The following SHB variants were observed in gnomAD, a reference collection of about 807,000 sequenced individuals.
SHB encodes the protein SH2 domain containing adaptor protein B.
A neutral mutation model predicts 52.3 loss-of-function variants in SHB; 20 were observed. The observed-to-expected ratio is 0.38, with a 90% confidence interval of 0.27 to 0.56. The LOEUF is 0.56. Among genes scored for constraint, SHB ranks in the 20% least tolerant of loss-of-function variants. The pLI, the probability that SHB is intolerant of heterozygous loss-of-function variation, is 0.71. For synonymous variants in SHB, 397 were observed against 316.5 expected (o/e 1.25, Z -2.70); for missense variants, 825 against 723.3 (o/e 1.14, Z -1.61).
At position 37,917,686 on chromosome 9, in the gene SHB, ACTCCCCCAAAGGAAAGCACGAAT is replaced by A. The variant is rs1832118540; in HGVS notation, c.*2112_*2134del. Among the ~76,000 whole-genome samples the A allele has an allele frequency of 6.6e-6, 1 of 151,464 alleles. No individual in the cohort carries two copies. The highest frequency in any genetic ancestry group is 1.5e-5 in the Non-Finnish European group (1 of 67,878). On this transcript the variant is annotated 3_prime_UTR_variant, in exon 6 of 6. Transcript: ENST00000377707. ...CTTGTCATTTCCCACCTACCTTCCC[ACTCCCCCAAAGGAAAGCACGAAT>A]CGTTCCAGGGTGTCCCTGCCTTCCT...
chr9:37,993,607 A>G (rs1170479334), intron 2 of SHB, among the ~76,000 whole-genome samples: 1 of 152,188 alleles, frequency 6.6e-6, no homozygotes, highest in African/African-American at 2.4e-5. Context: ...TCTTTATGTT[A>G]ACATAAACAT....
intron 5 of SHB, among the ~76,000 whole-genome samples, chr9:37,939,676 G>T (rs776019): frequency 0.56 from 85,218 of 151,996 alleles, 24,088 homozygotes; most frequent in Middle Eastern, 0.64. Flanking sequence ...GGCTTCTCAG[G>T]GCCTGCTAGG....
Position 37,917,481 on chromosome 9 carries a change from G to A in SHB, c.*2340C>T, listed in dbSNP as rs1832115054. Among the ~76,000 whole-genome samples the A allele has an allele frequency of 6.6e-6, 1 of 152,210 alleles. No homozygotes were observed. Among genetic ancestry groups the A allele is most frequent in the African/African-American group, 2.4e-5 (1 of 41,462 alleles). On this transcript the variant is annotated 3_prime_UTR_variant, in exon 6 of 6. Coordinates refer to ENST00000377707, the MANE Select transcript of SHB (RefSeq NM_003028.3). ...GGTCTACAGGGAAGGACCGTGAGGTGCGGCCCCACCCAGCAGCCTCAGGAA... is the reference window on the plus strand; with the variant it reads ...GGTCTACAGGGAAGGACCGTGAGGTACGGCCCCACCCAGCAGCCTCAGGAA...
chr9:37,993,818 T>G (rs1413717962), intron 2 of SHB, among the ~76,000 whole-genome samples: 1 of 152,220 alleles, frequency 6.6e-6, no homozygotes, highest in African/African-American at 2.4e-5. Flanking sequence ...TTTGGAATTT[T>G]AAGGTTCTCT....
At position 38,068,058 on chromosome 9, in the gene SHB, G is replaced by A. The variant is rs1477466115; in HGVS notation, c.588C>T (p.Ala196=). 9 of 1,493,416 alleles carry A rather than the reference G, an allele frequency of 6.0e-6. No homozygotes were observed. The highest frequency in any genetic ancestry group is 2.7e-5 in the East Asian group (1 of 37,244). 92.5% of individuals were successfully genotyped at this position (1,493,416 alleles called of 1,614,324 possible). The change falls in exon 1 of 6, where the codon GCC becomes GCT. Residue 196 remains alanine (A), a synonymous_variant. Transcript: ENST00000377707. ...IKVESAAGGG[A]GDPLGGACAG... Reference sequence around the variant, plus strand: ...CGCAGGCGCCCCCCAGGGGGTCCCCGGCCCCACCGCCCGCGGCGCTCTCCA... The same window carrying A: ...CGCAGGCGCCCCCCAGGGGGTCCCCAGCCCCACCGCCCGCGGCGCTCTCCA...
intron 1 of SHB, among the ~76,000 whole-genome samples, chr9:38,057,258 C>A (rs1033634933): frequency 2.0e-5 from 3 of 151,806 alleles, no homozygotes; most frequent in African/African-American, 7.3e-5. Context: ...CATGTCTTTA[C>A]GTTTAAAAAA....
At chr9:38,053,646 C>T (rs1295285792) in intron 1 of SHB, among the ~76,000 whole-genome samples, 4 of 152,122 alleles carry the variant, frequency 2.6e-5, no homozygotes, top group Admixed American at 1.3e-4. Flanking sequence ...AAAGCTTAAC[C>T]GTAAGCAGAC....
chr9:37,992,897 A>G (rs1820900709), intron 2 of SHB, among the ~76,000 whole-genome samples: 2 of 145,908 alleles, frequency 1.4e-5, no homozygotes. Flanking sequence ...ACACACACAC[A>G]CAGTCTCACA....
intron 2 of SHB, among the ~76,000 whole-genome samples, chr9:37,980,217 C>T (rs911225715): frequency 3.3e-5 from 5 of 152,224 alleles, no homozygotes; most frequent in South Asian, 2.1e-4. Context: ...ATTTTACCCA[C>T]GGCAGAACTT....
At chr9:37,947,756 G>A (rs1374569206) in intron 5 of SHB, among the ~76,000 whole-genome samples, 4 of 152,156 alleles carry the variant, frequency 2.6e-5, no homozygotes, top group Admixed American at 6.5e-5. Context: ...CCTGCAGGCC[G>A]GCTCTCCCTC....
At chr9:37,940,512 A>G (rs898010468) in intron 5 of SHB, among the ~76,000 whole-genome samples, 1 of 152,192 alleles carries the variant, frequency 6.6e-6, no homozygotes, top group Non-Finnish European at 1.5e-5. Flanking sequence ...AATTGAGCAG[A>G]AAGTTCATTT....
intron 1 of SHB, 57 bp downstream of exon 1, chr9:38,067,872 T>C (rs1440585868): frequency 1.1e-5 from 16 of 1,403,668 alleles, no homozygotes; most frequent in Non-Finnish European, 1.4e-5. Context: ...GGTGCCTCGG[T>C]TTCCCCGTGC....
intron 5 of SHB, among the ~76,000 whole-genome samples, chr9:37,925,753 C>T (rs1023058698): frequency 3.9e-5 from 6 of 152,222 alleles, no homozygotes; most frequent in Non-Finnish European, 7.3e-5. Context: ...AAGAATGTGG[C>T]ACAAAGCTGT....
At chr9:37,924,976 C>T (rs1280732652) in intron 5 of SHB, among the ~76,000 whole-genome samples, 1 of 152,238 alleles carries the variant, frequency 6.6e-6, no homozygotes, top group Non-Finnish European at 1.5e-5. Context: ...GATCTGGCTT[C>T]CCTGCAGCTT....
At chr9:37,927,465 C>T (rs528970068) in intron 5 of SHB, among the ~76,000 whole-genome samples, 2 of 152,346 alleles carry the variant, frequency 1.3e-5, no homozygotes, top group Non-Finnish European at 2.9e-5. Flanking sequence ...CAGGGCATTT[C>T]TCAAGCTCTA....
chr9:38,051,521 A>T (rs1821749633), intron 1 of SHB, among the ~76,000 whole-genome samples: 1 of 151,746 alleles, frequency 6.6e-6, no homozygotes, highest in African/African-American at 2.4e-5. Context: ...GCCCGGGTTG[A>T]GTGTCTGCAC....
intron 1 of SHB, among the ~76,000 whole-genome samples, chr9:38,038,815 G>C (rs140476209): frequency 6.6e-6 from 1 of 152,170 alleles, no homozygotes; most frequent in African/African-American, 2.4e-5. Context: ...GGGTGTTGGG[G>C]AGTGACAGTG....
intron 2 of SHB, among the ~76,000 whole-genome samples, chr9:37,987,037 C>T (rs538094875): frequency 2.2e-4 from 33 of 152,358 alleles, no homozygotes; most frequent in Non-Finnish European, 3.8e-4. Flanking sequence ...AGACCAGTCA[C>T]GGCTATACCC....
At chr9:37,962,980 AG>A (rs1832710256) in intron 3 of SHB, among the ~76,000 whole-genome samples, 1 of 152,210 alleles carries the variant, frequency 6.6e-6, no homozygotes, top group African/African-American at 2.4e-5. Flanking sequence ...CCAGGGCAAT[AG>A]GAACAGGTTG....
Sources: allele counts gnomAD v4.1 joint callset (sites outside exome capture counted in the v4.1 genomes callset), GRCh38; gene constraint gnomAD v4.1.1; transcripts MANE v1.5; gene names NCBI Gene and HGNC (gene_info 2026-07-23, HGNC 2026-07-21).